Variants in DENND1A observed in about 807,000 individuals in gnomAD.
DENND1A encodes the protein DENN domain-containing protein 1A.
DENND1A carries 51 observed loss-of-function variants against 113.7 expected under a neutral mutation model. The ratio of observed to expected loss-of-function variants is 0.45; its 90% CI spans 0.36 to 0.57. DENND1A has a LOEUF of 0.57. DENND1A is among the 20% of genes least tolerant of loss of function. The pLI is 0.00. For synonymous variants in DENND1A, 565 were observed against 570.8 expected, an observed-to-expected ratio of 0.99 and a Z score of 0.14; for missense variants, 1,258 against 1,395.9, an observed-to-expected ratio of 0.90 and a Z score of 1.57.
intron 5 of DENND1A, among the ~76,000 whole-genome samples, chr9:123,691,123 CCT>C (rs921492131): frequency 2.0e-5 from 3 of 152,124 alleles, no homozygotes; most frequent in African/African-American, 7.2e-5. Context: ...CTATTTTTTC[CCT>C]GTTAGATTTT....
chr9:123,783,684 G>T (rs1421908427), intron 3 of DENND1A, among the ~76,000 whole-genome samples: 1 of 152,162 alleles, frequency 6.6e-6, no homozygotes. Context: ...GACCCTAGCA[G>T]TCTCACTCCA....
chr9:123,864,739 C>T (rs1373396345), intron 2 of DENND1A, among the ~76,000 whole-genome samples: 1 of 152,030 alleles, frequency 6.6e-6, no homozygotes, highest in African/African-American at 2.4e-5. Context: ...AAAAACAATA[C>T]AGCAAATGGA....
intron 19 of DENND1A, among the ~76,000 whole-genome samples, chr9:123,420,971 C>A (rs2045245047): frequency 6.6e-6 from 1 of 151,052 alleles, no homozygotes. Flanking sequence ...GGAGGTCGGG[C>A]ACCAGATGCG....
intron 11 of DENND1A, among the ~76,000 whole-genome samples, chr9:123,604,602 A>G (rs899994437): frequency 5.3e-5 from 8 of 152,212 alleles, no homozygotes; most frequent in African/African-American, 1.9e-4. Context: ...AGAAAGCAAG[A>G]TACAGAAAGA....
At chr9:123,386,152 A>T (rs73666511) in intron 22 of DENND1A, among the ~76,000 whole-genome samples, 2,975 of 152,264 alleles carry the variant, frequency 0.02, 85 homozygotes, top group African/African-American at 0.068. Context: ...GGTGTTTTAA[A>T]TTGACACATA....
intron 13 of DENND1A, among the ~76,000 whole-genome samples, chr9:123,549,084 A>T (rs2056883712): frequency 6.6e-6 from 1 of 151,974 alleles, no homozygotes; most frequent in Non-Finnish European, 1.5e-5. Flanking sequence ...TATTTTTTAC[A>T]TTTTTTTTCC....
At chr9:123,603,263 T>C (rs1205304609) in intron 11 of DENND1A, among the ~76,000 whole-genome samples, 5 of 152,206 alleles carry the variant, frequency 3.3e-5, no homozygotes, top group Non-Finnish European at 1.5e-5. Flanking sequence ...GAAATTCCAG[T>C]TCTTTGAAAT....
At chr9:123,840,292 A>G (rs543963807) in intron 2 of DENND1A, among the ~76,000 whole-genome samples, 35 of 152,260 alleles carry the variant, frequency 2.3e-4, no homozygotes, top group African/African-American at 8.2e-4. Context: ...TTTTCAGGCA[A>G]AAGTTCTAAC....
At chr9:123,608,382 T>C (rs954629378) in intron 11 of DENND1A, among the ~76,000 whole-genome samples, 2 of 152,198 alleles carry the variant, frequency 1.3e-5, no homozygotes, top group Non-Finnish European at 2.9e-5. Flanking sequence ...TAGCACTTCC[T>C]TCAAGACATG....
chr9:123,413,623 GCACATGGAGAA>G (rs1564442394), intron 19 of DENND1A: 1 of 985,420 alleles, frequency 1.0e-6, no homozygotes, highest in Non-Finnish European at 1.2e-6. Context: ...TTCCCTGGCG[GCACATGGAGAA>G]CACGATGGGA....
chr9:123,410,338 C>CAGG (rs2044206975), intron 20 of DENND1A, among the ~76,000 whole-genome samples: 3 of 152,210 alleles, frequency 2.0e-5, no homozygotes. Flanking sequence ...TAGAAGGGGC[C>CAGG]TCCTGTCCCC....
chr9:123,776,462 G>T (rs1417218946), intron 3 of DENND1A, among the ~76,000 whole-genome samples: 1 of 152,074 alleles, frequency 6.6e-6, no homozygotes, highest in Non-Finnish European at 1.5e-5. Context: ...TAAATCATGG[G>T]TGGCTATACT....
chr9:123,462,133 T>A (rs1435382347), intron 13 of DENND1A: 1 of 152,234 alleles, frequency 6.6e-6, no homozygotes, highest in Non-Finnish European at 1.5e-5. Flanking sequence ...GAACCATGCA[T>A]AAAGGTCTGA....
intron 4 of DENND1A, among the ~76,000 whole-genome samples, chr9:123,760,538 G>A (rs916188482): frequency 1.3e-5 from 2 of 152,178 alleles, no homozygotes; most frequent in African/African-American, 4.8e-5. Flanking sequence ...TAAAGCAGGT[G>A]TAAGTAATGC....
intron 2 of DENND1A, among the ~76,000 whole-genome samples, chr9:123,835,111 G>GAAAAAAA (rs35785869): frequency 8.9e-6 from 1 of 112,140 alleles, no homozygotes; most frequent in African/African-American, 3.3e-5. Flanking sequence ...CTTTAGAGGG[G>GAAAAAAA]AAAAAAAAAA....
At chr9:123,809,533 C>T (rs1391015114) in intron 2 of DENND1A, among the ~76,000 whole-genome samples, 3 of 152,112 alleles carry the variant, frequency 2.0e-5, no homozygotes, top group Non-Finnish European at 4.4e-5. Flanking sequence ...AGGAAAATGG[C>T]CCTGAGGAAA....
intron 5 of DENND1A, among the ~76,000 whole-genome samples, chr9:123,698,439 T>C (rs569704115): frequency 1.1e-4 from 17 of 152,320 alleles, no homozygotes; most frequent in Admixed American, 2.0e-4. Context: ...TCAACAGATA[T>C]GATTTTGCTC....
chr9:123,721,385 C>G (rs1405414987), intron 5 of DENND1A, among the ~76,000 whole-genome samples: 1 of 152,202 alleles, frequency 6.6e-6, no homozygotes, highest in Non-Finnish European at 1.5e-5. Flanking sequence ...TCTGCCCGTG[C>G]TGTCCAACCT....
chr9:123,487,070 G>A (rs916359328), intron 13 of DENND1A, among the ~76,000 whole-genome samples: 2 of 152,120 alleles, frequency 1.3e-5, no homozygotes, highest in African/African-American at 4.8e-5. Context: ...GACCATAGAG[G>A]CCCCCATATT....
Sources: allele counts gnomAD v4.1 joint callset (sites outside exome capture counted in the v4.1 genomes callset), GRCh38; gene constraint gnomAD v4.1.1; transcripts MANE v1.5; gene names NCBI Gene and HGNC (gene_info 2026-07-23, HGNC 2026-07-21).